Variants in TNIK observed in about 807,000 individuals in gnomAD.
TNIK encodes the protein TRAF2 and NCK-interacting protein kinase.
In TNIK, 49 loss-of-function variants were observed where a neutral mutation model predicts 191.3. That is an observed-to-expected ratio of 0.26 (90% CI 0.20 to 0.32). The LOEUF is 0.32. Among genes scored for constraint, TNIK ranks in the 10% least tolerant of loss-of-function variants. TNIK has a pLI of 1.00. For missense variants in TNIK, 1,155 were observed against 1,702.3 expected (o/e 0.68, Z 5.66); for synonymous variants, 594 against 600.9 (o/e 0.99, Z 0.17).
At chr3:171,288,807 C>CAAA (rs10666822) in intron 2 of TNIK, among the ~76,000 whole-genome samples, 21,549 of 108,546 alleles carry the variant, frequency 0.2, 2,082 homozygotes, top group Middle Eastern at 0.24. Context: ...GACTCCATCT[C>CAAA]AAAAAAAAAA....
At chr3:171,437,374 T>C (rs996785935) in intron 1 of TNIK, among the ~76,000 whole-genome samples, 1 of 152,192 alleles carries the variant, frequency 6.6e-6, no homozygotes, top group Admixed American at 6.5e-5. Context: ...TATCCCCCTA[T>C]AGCTGTAGGA....
chr3:171,140,630 T>C lies in TNIK; in HGVS notation c.1222-121A>G, dbSNP rs1560171464. 9 of 838,416 alleles carry C rather than the reference T, an allele frequency of 1.1e-5. No homozygotes were observed. The Admixed American group carries it at 1.6e-4, about 15-fold the overall frequency. 51.9% of individuals were successfully genotyped at this position (838,416 alleles called of 1,614,324 possible). On this transcript the variant is annotated intron_variant, in intron 12 of 32. Coordinates refer to ENST00000436636, the MANE Select transcript of TNIK (RefSeq NM_015028.4). ...CTTTTAATGAGATATGCCTAAATGCTCCAAGGTTCTTCTCTCCGGGGCTGT... is the reference window on the plus strand; with the variant it reads ...CTTTTAATGAGATATGCCTAAATGCCCCAAGGTTCTTCTCTCCGGGGCTGT...
chr3:171,228,684 C>A (rs1743244484), intron 2 of TNIK, among the ~76,000 whole-genome samples: 3 of 152,162 alleles, frequency 2.0e-5, no homozygotes, highest in Admixed American at 2.0e-4. Context: ...GTTCATTTAT[C>A]TTTATCTTAA....
Position 171,066,227 on chromosome 3 carries a change from C to T in TNIK, c.3959G>A (p.Arg1320Gln), listed in dbSNP as rs1209364835. ...ACATAGAAACTTTAACCTTTGAGCTCGCTTATGCATAAATACTCCATCCAA... is the reference window on the plus strand; with the variant it reads ...ACATAGAAACTTTAACCTTTGAGCTTGCTTATGCATAAATACTCCATCCAA... ...GHLDGVFMHK[R>Q]AQRLKFLCER... The change falls in exon 32 of 33, where the codon CGA (arginine) becomes CAA (glutamine). Residue 1320 changes from arginine to glutamine, a missense_variant. Around this residue, in one of 3 missense-constraint regions of TNIK, gnomAD observed 195 missense variants for 415.4 expected, o/e 0.47. Transcript: ENST00000436636. 1.2e-6 allele frequency: 2 copies of T among 1,613,896 alleles called. No homozygotes were observed. Among genetic ancestry groups the T allele is most frequent in the South Asian group, 1.1e-5 (1 of 91,078 alleles).
rs956121074 is a variant in TNIK, at chr3:171,452,151, G to A, written c.57+7856C>T. Among the ~76,000 whole-genome samples the A allele has an allele frequency of 3.3e-5, 5 of 152,174 alleles. No homozygotes were observed. In the East Asian group the frequency reaches 7.7e-4, roughly 24 times the overall value. ...CAGCGGAAGTCACAGTCAGCCCTTC[G>A]TCCTATCACTCGGTCTTCAAAAACT... On this transcript the variant is annotated intron_variant, in intron 1 of 32. Transcript: ENST00000436636.
At chr3:171,241,104 C>T (rs113828232) in intron 2 of TNIK, among the ~76,000 whole-genome samples, 1,895 of 151,228 alleles carry the variant, frequency 0.013, 42 homozygotes, top group African/African-American at 0.044. Context: ...GATCTTGGCT[C>T]ACCGCAACCT....
intron 2 of TNIK, among the ~76,000 whole-genome samples, chr3:171,266,861 G>A (rs539133840): frequency 1.3e-5 from 2 of 152,268 alleles, no homozygotes; most frequent in East Asian, 3.9e-4. Context: ...GTTCTCCAAA[G>A]CAGATGATTA....
chr3:171,376,673 C>T (rs1356582077), intron 1 of TNIK, among the ~76,000 whole-genome samples: 3 of 151,190 alleles, frequency 2.0e-5, no homozygotes, highest in Non-Finnish European at 4.4e-5. Context: ...AACCTGCTGG[C>T]CCAAAGAAGT....
At chr3:171,111,489 G>GT (rs35312759) in intron 18 of TNIK, among the ~76,000 whole-genome samples, 67,175 of 152,124 alleles carry the variant, frequency 0.44, 17,995 homozygotes, top group East Asian at 0.63. Flanking sequence ...TAGAATGGCT[G>GT]TTTTCAAAAG....
chr3:171,067,554 C>T lies in TNIK; in HGVS notation c.3700-819G>A, dbSNP rs181698990. Reference sequence around the variant, plus strand: ...GCATGATGGTGGGCACCTGTAGTCCCAGCTACTCGGGAGGCTGAGGCAGGA... The same window carrying T: ...GCATGATGGTGGGCACCTGTAGTCCTAGCTACTCGGGAGGCTGAGGCAGGA... On this transcript the variant is annotated intron_variant, in intron 30 of 32. Transcript: ENST00000436636. 4.7e-3 allele frequency among the ~76,000 whole-genome samples: 720 copies of T among 151,744 alleles called. 7 individuals carry two copies. Among genetic ancestry groups the T allele is most frequent in the African/African-American group, 0.017 (701 of 41,340 alleles).
chr3:171,286,088 G>A (rs1750979320), intron 2 of TNIK, among the ~76,000 whole-genome samples: 1 of 152,160 alleles, frequency 6.6e-6, no homozygotes, highest in Non-Finnish European at 1.5e-5. Flanking sequence ...GCCTTTGCTG[G>A]GGAGAGAGGG....
At chr3:171,143,993 C>T (rs558532834) in intron 12 of TNIK, among the ~76,000 whole-genome samples, 4 of 151,964 alleles carry the variant, frequency 2.6e-5, no homozygotes, top group African/African-American at 9.6e-5. Context: ...AGAGTCTAAA[C>T]TGGAAAAAAA....
intron 1 of TNIK, among the ~76,000 whole-genome samples, chr3:171,398,369 G>T (rs1491661): frequency 0.017 from 2,562 of 152,230 alleles, 76 homozygotes; most frequent in African/African-American, 0.059. Context: ...TACATGTTAC[G>T]AAATTGTTGG....
chr3:171,357,842 C>T (rs1464086335), intron 2 of TNIK, among the ~76,000 whole-genome samples: 1 of 152,104 alleles, frequency 6.6e-6, no homozygotes, highest in Non-Finnish European at 1.5e-5. Context: ...GAATGCCCCG[C>T]AATGTGCTAC....
intron 2 of TNIK, among the ~76,000 whole-genome samples, chr3:171,248,251 C>G (rs942393586): frequency 6.6e-6 from 1 of 151,888 alleles, no homozygotes; most frequent in Non-Finnish European, 1.5e-5. Flanking sequence ...GCAGGGGCAG[C>G]GGAAGGGAGG....
intron 5 of TNIK, among the ~76,000 whole-genome samples, chr3:171,193,578 TG>T (rs1168875740): frequency 2.6e-5 from 4 of 152,364 alleles, no homozygotes; most frequent in African/African-American, 7.2e-5. Context: ...TAATTTGGTT[TG>T]CATTTAATGA....
In TNIK at chr3:171,126,023, C is replaced by A. The variant is rs1170384097; in HGVS notation, c.1902G>T (p.Glu634Asp). ...EALNVTSHRV[E>D]MPRQNSDPTS... ...TGGGATCTGAGTTCTGGCGTGGCAT[C>A]TCCACGCGGTGGGAGGTCACGTTCA... is the stretch of plus-strand genomic sequence containing the variant. Residue 634 changes from glutamate to aspartate, a missense_variant, in exon 17 of 33, where the codon GAG becomes GAT. Physicochemically the swap from Glu to Asp is conservative, Grantham distance 45. Around this residue, in one of 3 missense-constraint regions of TNIK, gnomAD observed 735 missense variants for 848.0 expected, o/e 0.87. Transcript: ENST00000436636. The A allele has an allele frequency of 6.2e-7, 1 of 1,613,864 alleles. No individual in the cohort carries two copies. The highest frequency in any genetic ancestry group is 1.3e-5 in the African/African-American group (1 of 74,924).
chr3:171,131,599 T>C (rs1166359677), intron 15 of TNIK, among the ~76,000 whole-genome samples: 1 of 152,180 alleles, frequency 6.6e-6, no homozygotes, highest in African/African-American at 2.4e-5. Flanking sequence ...AAGGCTCCAG[T>C]GTACTGAAAT....
chr3:171,391,608 C>A (rs1378686897), intron 1 of TNIK, among the ~76,000 whole-genome samples: 2 of 152,180 alleles, frequency 1.3e-5, no homozygotes, highest in Non-Finnish European at 1.5e-5. Context: ...CCTTTCTTTT[C>A]TCTTGTCATA....
Sources: gnomAD v4.1 joint callset for allele counts (sites outside exome capture counted in the v4.1 genomes callset) on GRCh38, gnomAD v4.1.1 for gene constraint, gnomAD v4.1.1 regional missense constraint, MANE v1.5 for transcripts, NCBI Gene and HGNC (gene_info 2026-07-23, HGNC 2026-07-21) for gene names.